The following NIPBL variants were observed in gnomAD, a reference collection of about 807,000 sequenced individuals.
The protein encoded by NIPBL is NIPBL cohesin loading factor, also known as nipped-B-like protein.
NIPBL carries 19 observed loss-of-function variants against 321.8 expected under a neutral mutation model. The observed-to-expected ratio is 0.06, with a 90% CI of 0.04 to 0.09. The LOEUF is 0.09. NIPBL is among the 10% of genes least tolerant of loss of function. The probability of loss-of-function intolerance (pLI) is 1.00; values close to 1 mark genes in which losing one functional copy is unlikely to be tolerated. For synonymous variants in NIPBL, 1,106 were observed against 1,114.1 expected, an observed-to-expected ratio of 0.99 and a Z score of 0.14; for missense variants, 2,210 against 3,327.0, an observed-to-expected ratio of 0.66 and a Z score of 8.26.
intron 1 of NIPBL, among the ~76,000 whole-genome samples, chr5:36,942,569 A>G (rs964285699): frequency 1.3e-5 from 2 of 151,340 alleles, no homozygotes; most frequent in African/African-American, 4.9e-5. Context: ...GTGAAACCCC[A>G]TCTCTACTAA....
At chr5:36,911,562 G>T (rs1283546238) in intron 1 of NIPBL, among the ~76,000 whole-genome samples, 2 of 152,114 alleles carry the variant, frequency 1.3e-5, no homozygotes, top group African/African-American at 4.8e-5. Flanking sequence ...TTATGTGTGT[G>T]CTTATTAAAA....
chr5:37,038,547 A>G (rs1191351914), intron 33 of NIPBL, 55 bp from the exon 34 acceptor site: 3 of 1,513,370 alleles, frequency 2.0e-6, no homozygotes, highest in African/African-American at 1.4e-5. Context: ...TATTCTGTAT[A>G]GTTTCCACTA....
chr5:36,891,592 T>G (rs79797233), intron 1 of NIPBL, among the ~76,000 whole-genome samples: 1,801 of 152,142 alleles, frequency 0.012, 34 homozygotes, highest in African/African-American at 0.041. Flanking sequence ...GAACATAGGC[T>G]GGAAAAGGGG....
At chr5:36,929,882 T>C (rs1348966468) in intron 1 of NIPBL, among the ~76,000 whole-genome samples, 1 of 152,098 alleles carries the variant, frequency 6.6e-6, no homozygotes. Flanking sequence ...GTGAAAAATC[T>C]AACATAAATA....
intron 1 of NIPBL, among the ~76,000 whole-genome samples, chr5:36,894,278 A>G (rs984019727): frequency 2.0e-5 from 3 of 152,168 alleles, no homozygotes; most frequent in Non-Finnish European, 4.4e-5. Flanking sequence ...TTGAAATATG[A>G]TAAGTACTCC....
At chr5:36,932,411 T>C (rs988453953) in intron 1 of NIPBL, among the ~76,000 whole-genome samples, 6 of 152,220 alleles carry the variant, frequency 3.9e-5, no homozygotes, top group Admixed American at 3.3e-4. Context: ...ATCTTCCTTA[T>C]GTACTGACTC....
At chr5:37,043,343 G>A (rs187362819) in intron 34 of NIPBL, among the ~76,000 whole-genome samples, 359 of 152,054 alleles carry the variant, frequency 2.4e-3, no homozygotes, top group African/African-American at 8.4e-3. Flanking sequence ...GCCTGGCCAA[G>A]ATGGTGAAAC....
chr5:36,992,710 TTTTATTTATTTATTTATTTATTTATTTA>T (rs70976270), intron 10 of NIPBL, among the ~76,000 whole-genome samples: 1 of 137,648 alleles, frequency 7.3e-6, no homozygotes, highest in African/African-American at 2.7e-5. Flanking sequence ...AAGTCATGCA[TTTTATTTATTTATTTATTTATTTATTTA>T]TTTATTTATT....
chr5:37,053,260 A>C (rs937880868), intron 42 of NIPBL, among the ~76,000 whole-genome samples: 1 of 152,174 alleles, frequency 6.6e-6, no homozygotes, highest in Non-Finnish European at 1.5e-5. Context: ...AATACTGTAG[A>C]TAACTATAAC....
At chr5:37,010,246 T>C in intron 21 of NIPBL, 21 bp downstream of exon 21, 3 of 1,543,452 alleles carry the variant, frequency 1.9e-6, no homozygotes, top group Non-Finnish European at 2.7e-6. Context: ...TATTAAAGGT[T>C]TTACAACTGT....
chr5:37,014,498 G>T (rs1257125940), intron 21 of NIPBL, among the ~76,000 whole-genome samples, 185 bp from the exon 22 acceptor site: 1 of 151,488 alleles, frequency 6.6e-6, no homozygotes, highest in Non-Finnish European at 1.5e-5. Context: ...ATTTTTATTT[G>T]TTTCTATAAA....
Position 36,975,761 on chromosome 5 carries a change from G to A in NIPBL, c.869-15G>A, listed in dbSNP as rs754264503. ...AACCACCACAACTGTTACTTCTATC[G>A]AATTATTTTTCTAGGCTCAAGACCA... On this transcript the variant is annotated splice_polypyrimidine_tract_variant and intron_variant, in intron 8 of 46. Coordinates refer to ENST00000282516, the MANE Select transcript of NIPBL (RefSeq NM_133433.4). The A allele has an allele frequency of 4.0e-5, 64 of 1,612,248 alleles. No homozygotes were observed. The highest frequency in any genetic ancestry group is 1.8e-4 in the South Asian group (16 of 90,880).
Position 36,905,098 on chromosome 5 carries a change from T to C in NIPBL, c.-80+27920T>C, listed in dbSNP as rs926793379. On this transcript the variant is annotated intron_variant, in intron 1 of 46. Coordinates refer to ENST00000282516, the MANE Select transcript of NIPBL (RefSeq NM_133433.4). ...AAGCAAGTTGAGGTTGGTTGGTTGGTTGGTTGGTTGGTTTTACAACTTTTA... is the reference window on the plus strand; with the variant it reads ...AAGCAAGTTGAGGTTGGTTGGTTGGCTGGTTGGTTGGTTTTACAACTTTTA... Among the ~76,000 whole-genome samples the C allele has an allele frequency of 2.6e-5, 4 of 152,126 alleles. No individual in the cohort carries two copies. In the East Asian group the frequency reaches 7.7e-4, roughly 29 times the overall value.
At position 37,048,946 on chromosome 5, in the gene NIPBL, G is replaced by GACACAC. The variant is rs56972789; in HGVS notation, c.6764-146_6764-141dup. Among the ~76,000 whole-genome samples the GACACAC allele has an allele frequency of 2.4e-3, 356 of 148,668 alleles. 2 individuals are homozygous for GACACAC. Among genetic ancestry groups the GACACAC allele is most frequent in the African/African-American group, 8.3e-3 (337 of 40,740 alleles). ...GGTTCTCAAAGGGGCCTCTGACACA[G>GACACAC]ACACACACACACACACACACACACT... On this transcript the variant is annotated intron_variant, in intron 39 of 46. Coordinates refer to ENST00000282516, the MANE Select transcript of NIPBL (RefSeq NM_133433.4).
Position 37,066,401 on chromosome 5 carries a change from A to C in NIPBL, c.*1509A>C, listed in dbSNP as rs1755337596. 1 of 152,238 alleles carries C rather than the reference A, an allele frequency of 6.6e-6. No homozygotes were observed. The highest frequency in any genetic ancestry group is 2.1e-4 in the South Asian group (1 of 4,834). 9.4% of individuals were successfully genotyped at this position (152,238 alleles called of 1,614,324 possible). The stretch of plus-strand genomic sequence containing the variant: ...ACCTTTTTGTGACACCTATTAAACC[A>C]CTATGAAAATAACTTTTCAGGATCT... On this transcript the variant is annotated 3_prime_UTR_variant, in exon 47 of 47. Transcript: ENST00000282516.
intron 1 of NIPBL, among the ~76,000 whole-genome samples, chr5:36,894,335 A>C (rs1328989419): frequency 6.7e-6 from 1 of 148,158 alleles, no homozygotes; most frequent in East Asian, 1.9e-4. Context: ...TGAAGTATCC[A>C]AAAAAAAACT....
At chr5:36,978,787 G>A (rs1005616172) in intron 9 of NIPBL, among the ~76,000 whole-genome samples, 5 of 151,890 alleles carry the variant, frequency 3.3e-5, no homozygotes, top group Admixed American at 1.3e-4. Flanking sequence ...CAGGAGTCCC[G>A]TCTCGTTCTT....
Position 37,044,327 on chromosome 5 carries a change from C to G in NIPBL, c.6109-20C>G. On this transcript the variant is annotated intron_variant, in intron 34 of 46. Transcript: ENST00000282516. ...TTTCAGGTTTTGGATATTCATAAAGCATTAATTTTATTCTTATAGACGCAA... is the reference window on the plus strand; with the variant it reads ...TTTCAGGTTTTGGATATTCATAAAGGATTAATTTTATTCTTATAGACGCAA... 2 of 1,608,508 alleles carry G rather than the reference C, an allele frequency of 1.2e-6. No homozygotes were observed. Among genetic ancestry groups the G allele is most frequent in the South Asian group, 2.2e-5 (2 of 90,912 alleles).
intron 31 of NIPBL, 93 bp downstream of exon 31, chr5:37,026,420 T>C (rs1330491635): frequency 3.9e-6 from 3 of 764,308 alleles, no homozygotes; most frequent in Non-Finnish European, 7.0e-6. Flanking sequence ...TAATGAGATA[T>C]TTCATTAATC....
Sources: gnomAD v4.1 joint callset for allele counts (sites outside exome capture counted in the v4.1 genomes callset) on GRCh38, gnomAD v4.1.1 for gene constraint, MANE v1.5 for transcripts, NCBI Gene and HGNC (gene_info 2026-07-23, HGNC 2026-07-21) for gene names.